The following ERBB4 variants were observed in gnomAD, a reference collection of about 807,000 sequenced individuals.
The protein encoded by ERBB4 is receptor tyrosine-protein kinase erbB-4.
ERBB4 carries 42 observed loss-of-function variants against 158.0 expected under a neutral mutation model. The ratio of observed to expected loss-of-function variants is 0.27; its 90% CI spans 0.21 to 0.34. The LOEUF (loss-of-function observed/expected upper bound fraction) is 0.34. Ranked by LOEUF, ERBB4 falls within the 10% of genes least tolerant of loss-of-function variation. ERBB4 has a pLI of 1.00. For missense variants in ERBB4, 1,333 were observed against 1,624.1 expected, an observed-to-expected ratio of 0.82 and a Z score of 3.08; for synonymous variants, 583 against 558.7, an observed-to-expected ratio of 1.04 and a Z score of -0.61.
chr2:212,500,629 A>G (rs1322484279), intron 1 of ERBB4, among the ~76,000 whole-genome samples: 1 of 152,150 alleles, frequency 6.6e-6, no homozygotes, highest in African/African-American at 2.4e-5. Context: ...AGACATGTTA[A>G]GAATATTTAG....
rs534965101 is a variant in ERBB4 at position 211,955,855 on chromosome 2, T to A, written c.235-8239A>T. On this transcript the variant is annotated intron_variant, in intron 2 of 27. Transcript: ENST00000342788. Reference sequence around the variant, plus strand: ...CTGAGTGCTGCCCAATTCATGAACATTCTTTTTTTAAATAAACTCTGCTAA... The same window carrying A: ...CTGAGTGCTGCCCAATTCATGAACAATCTTTTTTTAAATAAACTCTGCTAA... 3.3e-5 allele frequency among the ~76,000 whole-genome samples: 5 copies of A among 152,274 alleles called. No homozygotes were observed. In the East Asian group the frequency reaches 9.7e-4, roughly 29 times the overall value.
chr2:211,827,526 A>G (rs1473176846), intron 3 of ERBB4, among the ~76,000 whole-genome samples: 1 of 151,570 alleles, frequency 6.6e-6, no homozygotes, highest in East Asian at 1.9e-4. Context: ...TCATGTTGGG[A>G]TTTTATTTTT....
At chr2:211,432,984 G>A (rs1262368187) in intron 20 of ERBB4, among the ~76,000 whole-genome samples, 3 of 152,208 alleles carry the variant, frequency 2.0e-5, no homozygotes, top group Admixed American at 2.0e-4. Context: ...CGTGAGAGGA[G>A]AGACTTCAAA....
At chr2:211,599,171 TAATA>T (rs59211683) in intron 19 of ERBB4, among the ~76,000 whole-genome samples, 7,121 of 152,204 alleles carry the variant, frequency 0.047, 570 homozygotes, top group African/African-American at 0.16. Context: ...AATATTAGCA[TAATA>T]ACACTGAGCT....
chr2:212,192,593 A>G (rs940260903), intron 1 of ERBB4, among the ~76,000 whole-genome samples: 1 of 152,144 alleles, frequency 6.6e-6, no homozygotes, highest in Non-Finnish European at 1.5e-5. Flanking sequence ...AAAATAGAAC[A>G]ATAATGCCTT....
At chr2:211,542,107 A>G (rs1364272123) in intron 20 of ERBB4, among the ~76,000 whole-genome samples, 3 of 152,124 alleles carry the variant, frequency 2.0e-5, no homozygotes, top group South Asian at 4.1e-4. Context: ...CATTCTATTT[A>G]ATAAACTAAA....
At chr2:211,535,052 T>C (rs946567136) in intron 20 of ERBB4, among the ~76,000 whole-genome samples, 11 of 152,232 alleles carry the variant, frequency 7.2e-5, no homozygotes, top group African/African-American at 2.4e-4. Flanking sequence ...TTTGAGAAGC[T>C]ATGTGCTCCT....
intron 5 of ERBB4, among the ~76,000 whole-genome samples, chr2:211,738,769 C>A (rs1040298785): frequency 6.6e-6 from 1 of 151,504 alleles, no homozygotes; most frequent in Admixed American, 6.6e-5. Context: ...TGGGTTCAAG[C>A]GATTCTCATG....
chr2:212,094,574 T>TTA (rs1559485802), intron 2 of ERBB4, among the ~76,000 whole-genome samples: 4 of 147,930 alleles, frequency 2.7e-5, no homozygotes, highest in African/African-American at 1.0e-4. Flanking sequence ...AATAAAAAAA[T>TTA]AAAAAAAAAA....
intron 12 of ERBB4, among the ~76,000 whole-genome samples, chr2:211,689,888 T>A (rs980998655): frequency 6.6e-5 from 10 of 151,882 alleles, no homozygotes; most frequent in Non-Finnish European, 1.5e-4. Flanking sequence ...AGAGAATGGT[T>A]AAAATTATAC....
At chr2:211,551,773 G>T (rs954817149) in intron 20 of ERBB4, among the ~76,000 whole-genome samples, 2 of 152,164 alleles carry the variant, frequency 1.3e-5, no homozygotes, top group Non-Finnish European at 1.5e-5. Flanking sequence ...GCATTTAAAT[G>T]ACATCAGACA....
At chr2:211,420,707 G>A in intron 24 of ERBB4, 96 bp from the exon 25 acceptor site, 4 of 1,111,338 alleles carry the variant, frequency 3.6e-6, no homozygotes, top group Non-Finnish European at 5.3e-6. Flanking sequence ...ATAACAAATG[G>A]TTGAAAAATT....
intron 4 of ERBB4, among the ~76,000 whole-genome samples, chr2:211,783,210 A>G (rs1311497001): frequency 6.6e-6 from 1 of 152,200 alleles, no homozygotes; most frequent in Non-Finnish European, 1.5e-5. Context: ...ATTTTTGCAC[A>G]TTGATTTTGT....
chr2:212,024,204 A>C (rs945915761), intron 2 of ERBB4, among the ~76,000 whole-genome samples: 2 of 151,922 alleles, frequency 1.3e-5, no homozygotes, highest in South Asian at 4.1e-4. Context: ...CTCTTTTAAG[A>C]ATGTATTATC....
chr2:212,029,602 T>C (rs1017453065), intron 2 of ERBB4, among the ~76,000 whole-genome samples: 3 of 152,162 alleles, frequency 2.0e-5, no homozygotes, highest in African/African-American at 7.2e-5. Context: ...TTCTGAATAT[T>C]CATGACATCG....
chr2:212,395,395 C>CAAAT (rs1211282876), intron 1 of ERBB4, among the ~76,000 whole-genome samples: 1 of 151,340 alleles, frequency 6.6e-6, no homozygotes, highest in Admixed American at 6.6e-5. Context: ...ATTATATTAT[C>CAAAT]AAATAAATAA....
At chr2:212,493,410 C>T (rs1690389186) in intron 1 of ERBB4, among the ~76,000 whole-genome samples, 2 of 151,236 alleles carry the variant, frequency 1.3e-5, no homozygotes, top group Admixed American at 6.6e-5. Flanking sequence ...AAAATACAAA[C>T]ATTTCCAGGA....
intron 1 of ERBB4, among the ~76,000 whole-genome samples, chr2:212,439,097 G>A (rs927065229): frequency 5.9e-5 from 9 of 152,040 alleles, no homozygotes; most frequent in Admixed American, 3.9e-4. Flanking sequence ...GCTTTGAAAG[G>A]AACACACTTT....
intron 2 of ERBB4, among the ~76,000 whole-genome samples, chr2:211,989,481 T>C (rs902735972): frequency 2.0e-5 from 3 of 151,932 alleles, no homozygotes; most frequent in African/African-American, 7.2e-5. Context: ...TATAATATTC[T>C]TAAAATAAAT....
Sources: allele counts gnomAD v4.1 joint callset (sites outside exome capture counted in the v4.1 genomes callset), GRCh38; gene constraint gnomAD v4.1.1; transcripts MANE v1.5; gene names NCBI Gene and HGNC (gene_info 2026-07-23, HGNC 2026-07-21).